Variants in ANKAR observed in about 807,000 individuals in gnomAD.
The protein encoded by ANKAR is ankyrin and armadillo repeat-containing protein.
In ANKAR, 136 loss-of-function variants were observed where a neutral mutation model predicts 146.2. That is an observed-to-expected ratio of 0.93 (90% confidence interval 0.81 to 1.07). The LOEUF is 1.07. Ranked by LOEUF, ANKAR falls within the 50% of genes least tolerant of loss-of-function variation. The probability of loss-of-function intolerance (pLI) is 0.00; values close to 1 mark genes in which losing one functional copy is unlikely to be tolerated. For missense variants in ANKAR, 1,567 were observed against 1,679.9 expected, an observed-to-expected ratio of 0.93 and a Z score of 1.18; for synonymous variants, 500 against 575.8, an observed-to-expected ratio of 0.87 and a Z score of 1.88.
At chr2:189,744,590 G>T in intron 21 of ANKAR, 152 bp from the exon 22 acceptor site, 1 of 535,052 alleles carries the variant, frequency 1.9e-6, no homozygotes, top group Non-Finnish European at 3.3e-6. Context: ...AATACTTACA[G>T]ATAACATGCA....
chr2:189,759,070 T>A (rs2046548506), intron 18 of ANKAR, among the ~76,000 whole-genome samples: 1 of 152,166 alleles, frequency 6.6e-6, no homozygotes, highest in Non-Finnish European at 1.5e-5. Context: ...GGTCTAGACA[T>A]CATGTCTCCA....
At chr2:189,685,034 C>T (rs1237632268) in intron 2 of ANKAR, among the ~76,000 whole-genome samples, 2 of 151,754 alleles carry the variant, frequency 1.3e-5, no homozygotes, top group South Asian at 2.1e-4. Flanking sequence ...GGGACAAGCT[C>T]TTACTCTGTC....
At chr2:189,721,432 T>C (rs2041222559) in intron 12 of ANKAR, among the ~76,000 whole-genome samples, 1 of 152,178 alleles carries the variant, frequency 6.6e-6, no homozygotes, top group African/African-American at 2.4e-5. Flanking sequence ...CCTAGGAGAG[T>C]ATATGCTACC....
At chr2:189,722,483 G>A (rs1394063845) in intron 12 of ANKAR, among the ~76,000 whole-genome samples, 1 of 151,774 alleles carries the variant, frequency 6.6e-6, no homozygotes, top group East Asian at 1.9e-4. Flanking sequence ...TAAAGATAGG[G>A]ACTAGGTCTT....
intron 7 of ANKAR, among the ~76,000 whole-genome samples, chr2:189,704,154 T>TTG (rs2038490980): frequency 6.6e-6 from 1 of 151,388 alleles, no homozygotes; most frequent in Non-Finnish European, 1.5e-5. Flanking sequence ...GGAATTTTTT[T>TTG]TTTTTGAGAT....
intron 18 of ANKAR, among the ~76,000 whole-genome samples, chr2:189,759,453 T>C (rs187234610): frequency 1.4e-3 from 209 of 152,306 alleles, no homozygotes; most frequent in Non-Finnish European, 2.4e-3. Context: ...GGTTTCACCA[T>C]GTTAGCCAGG....
At chr2:189,714,878 G>A (rs572261409) in intron 10 of ANKAR, among the ~76,000 whole-genome samples, 121 of 150,374 alleles carry the variant, frequency 8.0e-4, no homozygotes, top group Admixed American at 3.6e-3. Flanking sequence ...CCCCGGAGGC[G>A]GAGCTTGCAG....
In ANKAR at chr2:189,752,916, C is replaced by T. The variant is rs780774674; in HGVS notation, c.*584+8128C>T. The T allele has an allele frequency of 6.2e-6, 10 of 1,613,166 alleles. No individual in the cohort carries two copies. Among genetic ancestry groups the T allele is most frequent in the African/African-American group, 4.0e-5 (3 of 74,882 alleles). ...GGACACAACAAAGTGCACTGTGTTG[C>T]ATTTGTTAAAATTTCCAGAGCTCTG... is the stretch of plus-strand genomic sequence containing the variant. On this transcript the variant is annotated intron_variant and NMD_transcript_variant, in intron 18 of 18. Coordinates refer to the ANKAR transcript ENST00000441800.
intron 17 of ANKAR, among the ~76,000 whole-genome samples, chr2:189,736,295 A>C (rs2105873349): frequency 6.6e-6 from 1 of 152,304 alleles, no homozygotes; most frequent in Admixed American, 6.5e-5. Flanking sequence ...GTCAAGTCTT[A>C]GCATATTTCT....
downstream of ANKAR, among the ~76,000 whole-genome samples, chr2:189,751,071 A>C (rs1285296228): frequency 6.6e-6 from 1 of 152,190 alleles, no homozygotes; most frequent in Non-Finnish European, 1.5e-5. Flanking sequence ...TCTTCTCTGA[A>C]GTTTCAAAAG....
chr2:189,736,502 T>TTTTTTTTTTTGTG lies in ANKAR; in HGVS notation c.3424-1180_3424-1179insTTTTTTTTTGTGT, dbSNP rs1422561376. ...TTTTGCCTATTTAGGTGACTGGGTTTTGTGTGTGTGTGTGTGTGTGTGTGT... is the reference window on the plus strand; with the variant it reads ...TTTTGCCTATTTAGGTGACTGGGTTTTTTTTTTTTTGTGTGTGTGTGTGTGTGTGTGTGTGTGT... On this transcript the variant is annotated intron_variant, in intron 17 of 22. Transcript: ENST00000684021. Among the ~76,000 whole-genome samples, 34 of 142,066 alleles carry TTTTTTTTTTTGTG rather than the reference T, an allele frequency of 2.4e-4. 1 individual carries two copies. Among genetic ancestry groups the TTTTTTTTTTTGTG allele is most frequent in the African/African-American group, 8.2e-4 (32 of 39,132 alleles). 93.2% of individuals were successfully genotyped at this position (142,066 alleles called of 152,430 possible). A position where few individuals can be genotyped will look rare whatever the true frequency, so the allele number is the denominator to read the frequency against.
Position 189,689,794 on chromosome 2 carries a change from A to G in ANKAR, c.869A>G (p.Gln290Arg), listed in dbSNP as rs2036130636. The G allele has an allele frequency of 6.2e-7, 1 of 1,609,370 alleles. No individual in the cohort carries two copies. Among genetic ancestry groups the G allele is most frequent in the Admixed American group, 1.7e-5 (1 of 59,292 alleles). ...ATCTGTACCTACCAGAGACTACAGC[A>G]AAGATTATATCTTCAAAAAAAGATT... Reference protein sequence around the residue: ...LDICTYQRLQQRLYLQKKIIQ... With the variant: ...LDICTYQRLQRRLYLQKKIIQ... The change falls in exon 3 of 23, where the codon CAA becomes CGA. Residue 290 changes from glutamine (Q) to arginine (R), a missense_variant. Gln to Arg is a conservative substitution (Grantham distance 43). Coordinates refer to ENST00000684021, the MANE Select transcript of ANKAR (RefSeq NM_001378068.1).
In ANKAR at chr2:189,696,380, G is replaced by C; in HGVS notation, c.1708+11G>C. ...TTACGTTCAGCCAAGGTACCATAAA[G>C]TTTTTTAACCTAAAATGTTGTTATT... On this transcript the variant is annotated intron_variant, in intron 7 of 22. Transcript: ENST00000684021. The C allele has an allele frequency of 1.2e-6, 2 of 1,603,450 alleles. No individual in the cohort carries two copies. The highest frequency in any genetic ancestry group is 1.7e-6 in the Non-Finnish European group (2 of 1,175,900).
intron 21 of ANKAR, 101 bp from the exon 22 acceptor site, chr2:189,744,641 A>G: frequency 1.3e-6 from 1 of 763,922 alleles, no homozygotes; most frequent in Non-Finnish European, 2.2e-6. Flanking sequence ...GCCATTAGGC[A>G]TTAAACCTGG....
At chr2:189,740,850 C>A (rs895844283) in intron 19 of ANKAR, among the ~76,000 whole-genome samples, 1 of 152,020 alleles carries the variant, frequency 6.6e-6, no homozygotes, top group Admixed American at 6.6e-5. Context: ...TGTACCACCA[C>A]GCCCGGCTAA....
At chr2:189,688,992 G>A (rs1241141872) in intron 2 of ANKAR, among the ~76,000 whole-genome samples, 8 of 152,140 alleles carry the variant, frequency 5.3e-5, no homozygotes, top group African/African-American at 1.7e-4. Flanking sequence ...GTTGGTGAAC[G>A]GGCCGTAATT....
chr2:189,734,912 C>T (rs966676565), intron 17 of ANKAR, among the ~76,000 whole-genome samples: 8 of 151,118 alleles, frequency 5.3e-5, no homozygotes, highest in Admixed American at 2.0e-4. Flanking sequence ...TGCAGTGAGC[C>T]GAGATTGCAT....
At chr2:189,741,542 C>A in intron 20 of ANKAR, 91 bp downstream of exon 20, 1 of 803,318 alleles carries the variant, frequency 1.2e-6, no homozygotes, top group Admixed American at 2.6e-5. Context: ...CACTGATTGA[C>A]TGTGTTATAG....
At chr2:189,710,780 C>G (rs2039583965) in intron 9 of ANKAR, among the ~76,000 whole-genome samples, 1 of 152,132 alleles carries the variant, frequency 6.6e-6, no homozygotes, top group Non-Finnish European at 1.5e-5. Flanking sequence ...CCAGCCTGGG[C>G]AACAGACTGA....
Sources: allele counts gnomAD v4.1 joint callset (sites outside exome capture counted in the v4.1 genomes callset), GRCh38; gene constraint gnomAD v4.1.1; transcripts MANE v1.5; gene names NCBI Gene and HGNC (gene_info 2026-07-23, HGNC 2026-07-21).